SCARB1: variants seen among roughly 807,000 people sequenced by gnomAD.
SCARB1 encodes the protein scavenger receptor class B member 1.
A neutral mutation model predicts 57.2 loss-of-function variants in SCARB1; 30 were observed. The observed-to-expected ratio is 0.52, with a 90% CI of 0.39 to 0.71. SCARB1 has a LOEUF of 0.71. SCARB1 is among the 30% of genes least tolerant of loss of function. The pLI, the probability that SCARB1 is intolerant of heterozygous loss-of-function variation, is 0.00. For missense variants in SCARB1, 543 were observed against 671.2 expected (o/e 0.81, Z 2.11); for synonymous variants, 249 against 268.3 (o/e 0.93, Z 0.70).
At chr12:124,861,127 C>T (rs573160383) in intron 1 of SCARB1, among the ~76,000 whole-genome samples, 15 of 152,100 alleles carry the variant, frequency 9.9e-5, no homozygotes, top group African/African-American at 3.6e-4. Flanking sequence ...TATATAAAGT[C>T]GTCCCTCAAT....
At chr12:124,826,778 G>GA (rs948920203) in intron 1 of SCARB1, among the ~76,000 whole-genome samples, 55 of 150,554 alleles carry the variant, frequency 3.7e-4, no homozygotes, top group South Asian at 8.4e-4. Flanking sequence ...TATTTTTAAA[G>GA]AAAAAAAAAT....
chr12:124,818,722 C>T (rs989995073), intron 1 of SCARB1, among the ~76,000 whole-genome samples: 24 of 73,544 alleles, frequency 3.3e-4, no homozygotes, highest in South Asian at 7.7e-4. Flanking sequence ...CTCGGCTCAC[C>T]GAAACCTCCA....
At chr12:124,834,119 C>G (rs1566224766) in intron 1 of SCARB1, among the ~76,000 whole-genome samples, 1 of 152,256 alleles carries the variant, frequency 6.6e-6, no homozygotes, top group Non-Finnish European at 1.5e-5. Flanking sequence ...TCCTCAGCCA[C>G]ATGGGAGGAA....
rs1328351358 is a variant in SCARB1 at position 124,815,002 on chromosome 12, A to C, written c.397T>G (p.Tyr133Asp). ...ACCAGGATGTTGGGCATGACGATGTAGTCGCTCTCCGAGCCGTGGGACTTG... is the reference window on the plus strand; with the variant it reads ...ACCAGGATGTTGGGCATGACGATGTCGTCGCTCTCCGAGCCGTGGGACTTG... The part of the protein sequence containing the change: ...PSKSHGSESD[Y>D]IVMPNILVLG... Residue 133 changes from tyrosine to aspartate, a missense_variant, in exon 3 of 13, where the codon TAC (tyrosine) becomes GAC (aspartate). By Grantham distance (160) the Tyr-to-Asp change is radical. Transcript: ENST00000261693. 6.2e-7 allele frequency: 1 copy of C among 1,614,204 alleles called. No homozygotes were observed. Among genetic ancestry groups the C allele is most frequent in the Non-Finnish European group, 8.5e-7 (1 of 1,180,032 alleles).
intron 1 of SCARB1, among the ~76,000 whole-genome samples, chr12:124,829,851 C>A (rs950359589): frequency 6.6e-6 from 1 of 152,152 alleles, no homozygotes. Flanking sequence ...CTAAAGCAGC[C>A]CTTCCCCCAT....
chr12:124,792,241 C>T (rs540113041), intron 9 of SCARB1, among the ~76,000 whole-genome samples: 1 of 152,266 alleles, frequency 6.6e-6, no homozygotes, highest in African/African-American at 2.4e-5. Context: ...AGCTCTGCTT[C>T]CCGGCAGCTG....
chr12:124,795,035 G>A (rs1566149770), intron 9 of SCARB1, among the ~76,000 whole-genome samples, 160 bp downstream of exon 9: 1 of 152,144 alleles, frequency 6.6e-6, no homozygotes, highest in Non-Finnish European at 1.5e-5. Context: ...GACCCCTCAG[G>A]GAGAAGATCA....
chr12:124,783,134 G>T, intron 11 of SCARB1: 1 of 328,518 alleles, frequency 3.0e-6, no homozygotes, highest in South Asian at 4.0e-5. Context: ...TAGCTGGGGG[G>T]CTGTTTAAAA....
At chr12:124,783,797 A>T (rs1228067841) in intron 11 of SCARB1, 1 of 152,212 alleles carries the variant, frequency 6.6e-6, no homozygotes, top group African/African-American at 2.4e-5. Flanking sequence ...AAACCAAAAA[A>T]AATAAAAATA....
intron 7 of SCARB1, among the ~76,000 whole-genome samples, chr12:124,802,108 C>A (rs1025403066): frequency 5.5e-5 from 8 of 145,224 alleles, no homozygotes; most frequent in Non-Finnish European, 7.4e-5. Context: ...CAAGATTGCA[C>A]CATTGCACTC....
intron 1 of SCARB1, among the ~76,000 whole-genome samples, chr12:124,820,462 T>A (rs1594296638): frequency 6.6e-6 from 1 of 151,478 alleles, no homozygotes; most frequent in Non-Finnish European, 1.5e-5. Flanking sequence ...CCCCACCCCA[T>A]GGCGGCTCCC....
chr12:124,834,535 T>C (rs1467576870), intron 1 of SCARB1, among the ~76,000 whole-genome samples: 2 of 152,210 alleles, frequency 1.3e-5, no homozygotes, highest in African/African-American at 4.8e-5. Context: ...CATAGTACTG[T>C]GGTCATGCTT....
intron 9 of SCARB1, among the ~76,000 whole-genome samples, chr12:124,792,721 CAAAAAAAAAAAAAAA>C (rs930596389): frequency 9.5e-5 from 3 of 31,726 alleles, no homozygotes; most frequent in African/African-American, 3.1e-4. Flanking sequence ...GACTTCGTCT[CAAAAAAAAAAAAAAA>C]AAAAAAAAAA....
chr12:124,831,256 G>A (rs561121840), intron 1 of SCARB1, among the ~76,000 whole-genome samples: 66 of 152,246 alleles, frequency 4.3e-4, no homozygotes, highest in Admixed American at 1.5e-3. Flanking sequence ...TAGGATTACA[G>A]GCATGAGCCA....
intron 8 of SCARB1, among the ~76,000 whole-genome samples, chr12:124,799,492 AC>A (rs1950062396): frequency 6.6e-6 from 1 of 152,120 alleles, no homozygotes; most frequent in South Asian, 2.1e-4. Context: ...ATGCCACTGC[AC>A]CCCAGCCTGG....
rs1355846050 is a variant in SCARB1 at position 124,810,362 on chromosome 12, C to T, written c.727-73G>A. 3 of 1,017,362 alleles carry T rather than the reference C, an allele frequency of 2.9e-6. No individual in the cohort carries two copies. The highest frequency in any genetic ancestry group is 1.6e-5 in the African/African-American group (1 of 63,482). The allele number at this position is 1,017,362 out of a possible 1,614,324, so 63.0% of individuals were successfully genotyped here. ...TTAATAAGCCCTCTCAGGTGCTGCA[C>T]ACCTAACTCACCCTGGTGCACGCAC... On this transcript the variant is annotated intron_variant, in intron 5 of 12. Coordinates refer to ENST00000261693, the MANE Select transcript of SCARB1 (RefSeq NM_005505.5). The surrounding 1 kb of genome is among the most constrained non-coding windows in gnomAD (Gnocchi z 4.0).
chr12:124,817,768 C>T lies in SCARB1; in HGVS notation c.127-61G>A. 1 of 1,590,496 alleles carries T rather than the reference C, an allele frequency of 6.3e-7. No individual in the cohort carries two copies. Among genetic ancestry groups the T allele is most frequent in the East Asian group, 2.2e-5 (1 of 44,764 alleles). ...GTGATGAGGGCCCCACGCCCCACCACAAGGCTCCGGAACAGCTGCCCGAGC... is the reference window on the plus strand; with the variant it reads ...GTGATGAGGGCCCCACGCCCCACCATAAGGCTCCGGAACAGCTGCCCGAGC... On this transcript the variant is annotated intron_variant, in intron 1 of 12. Coordinates refer to ENST00000261693, the MANE Select transcript of SCARB1 (RefSeq NM_005505.5). The surrounding 1 kb of genome is among the most constrained non-coding windows in gnomAD (Gnocchi z 4.8).
At chr12:124,786,203 A>T (rs779375596) in intron 11 of SCARB1, 154 bp downstream of exon 11, 1 of 1,596,354 alleles carries the variant, frequency 6.3e-7, no homozygotes, top group Non-Finnish European at 8.5e-7. Context: ...CGCAGCCCCC[A>T]GCAGTGACCG....
At position 124,814,280 on chromosome 12, in the gene SCARB1, C is replaced by CT; in HGVS notation, c.551dup (p.Asp185GlyfsTer26). Reference sequence around the variant, plus strand: ...TGTTGATGAGATTCACAAGGGGGTCCTTGTAGCCCCACATGATCTCACCCA... The same window carrying CT: ...TGTTGATGAGATTCACAAGGGGGTCCTTTGTAGCCCCACATGATCTCACCCA... On this transcript the variant is annotated frameshift_variant, in exon 4 of 13. Transcript: ENST00000261693. LOFTEE classifies it high-confidence loss of function. The surrounding 1 kb of genome is among the most constrained non-coding windows in gnomAD (Gnocchi z 4.7). 6.2e-7 allele frequency: 1 copy of CT among 1,614,198 alleles called. No individual in the cohort carries two copies. Among genetic ancestry groups the CT allele is most frequent in the Non-Finnish European group, 8.5e-7 (1 of 1,180,034 alleles).
Sources: gnomAD v4.1 joint callset for allele counts (sites outside exome capture counted in the v4.1 genomes callset) on GRCh38, gnomAD v4.1.1 for gene constraint, Gnocchi (gnomAD v3.1) non-coding constraint, MANE v1.5 for transcripts, NCBI Gene and HGNC (gene_info 2026-07-23, HGNC 2026-07-21) for gene names.